CUL2: variants seen among roughly 807,000 people sequenced by gnomAD.
CUL2 encodes the protein cullin 2.
In CUL2, 22 loss-of-function variants were observed where a neutral mutation model predicts 110.2. That is an observed-to-expected ratio of 0.20 (90% CI 0.14 to 0.28). The LOEUF (loss-of-function observed/expected upper bound fraction) is 0.28, where lower values mean the gene tolerates loss of function less well. Among genes scored for constraint, CUL2 ranks in the 10% least tolerant of loss-of-function variants. The pLI is 1.00. For missense variants in CUL2, 631 were observed against 905.5 expected, an observed-to-expected ratio of 0.70 and a Z score of 3.89; for synonymous variants, 279 against 293.2, an observed-to-expected ratio of 0.95 and a Z score of 0.49.
Position 35,125,854 on chromosome 10 carries a change from G to C in CUL2, c.-51+751C>G, listed in dbSNP as rs111994488. ...CATTACTTTTTTTATTTTTGAGATGGAGCCTCGCTCTGTCACCCAGACTGG... is the reference window on the plus strand; with the variant it reads ...CATTACTTTTTTTATTTTTGAGATGCAGCCTCGCTCTGTCACCCAGACTGG... On this transcript the variant is annotated intron_variant, in intron 1 of 5. Coordinates refer to the CUL2 transcript ENST00000685421. Among the ~76,000 whole-genome samples, 462 of 152,144 alleles carry C rather than the reference G, an allele frequency of 3.0e-3. 2 individuals carry two copies. The highest frequency in any genetic ancestry group is 0.01 in the African/African-American group (425 of 41,518).
intron 14 of CUL2, 74 bp from the exon 15 acceptor site, chr10:35,029,714 C>A: frequency 8.9e-7 from 1 of 1,126,492 alleles, no homozygotes; most frequent in South Asian, 1.5e-5. Context: ...AATAATGTGT[C>A]GGTATTGCTA....
intron 1 of CUL2, among the ~76,000 whole-genome samples, chr10:35,124,615 G>A (rs747333860): frequency 2.0e-5 from 3 of 152,118 alleles, no homozygotes; most frequent in Non-Finnish European, 4.4e-5. Context: ...TGTGCAACCC[G>A]GAATTGGCAA....
chr10:35,118,365 C>T (rs2087634012), intron 1 of CUL2: 1 of 152,220 alleles, frequency 6.6e-6, no homozygotes, highest in African/African-American at 2.4e-5. Context: ...CTACCTTCCA[C>T]ATTTCTTAAC....
intron 11 of CUL2, 22 bp downstream of exon 11, chr10:35,033,144 T>C (rs770518813): frequency 1.4e-6 from 2 of 1,441,702 alleles, no homozygotes; most frequent in Non-Finnish European, 2.0e-6. Flanking sequence ...ACATATATAG[T>C]ATATATGTAT....
intron 1 of CUL2, among the ~76,000 whole-genome samples, chr10:35,114,177 C>T (rs550259473): frequency 5.9e-5 from 9 of 152,024 alleles, no homozygotes; most frequent in Non-Finnish European, 2.9e-5. Context: ...CTGCCTCGGC[C>T]TCCCAAAGTG....
Position 35,032,481 on chromosome 10 carries a change from A to G in CUL2, c.1124T>C (p.Val375Ala). Residue 375 changes from valine to alanine, a missense_variant, in exon 12 of 21, where the codon GTT (valine) becomes GCT (alanine). Val to Ala is a moderately conservative substitution (Grantham distance 64). Around this residue, in one of 3 missense-constraint regions of CUL2, gnomAD observed 134 missense variants for 260.4 expected, o/e 0.51. Coordinates refer to ENST00000374749, the MANE Select transcript of CUL2 (RefSeq NM_003591.4). ...AGACTTAGGTTCTCTGTAATTTACA[A>G]CTGACGTAAGGGCCTGAATAAAAAA... ...MSALDKALTSVVNYREPKSVC... is the reference protein window; with the variant it reads ...MSALDKALTSAVNYREPKSVC... 1 of 1,592,272 alleles carries G rather than the reference A, an allele frequency of 6.3e-7. No individual in the cohort carries two copies. Among genetic ancestry groups the G allele is most frequent in the Non-Finnish European group, 8.5e-7 (1 of 1,173,450 alleles).
At chr10:35,017,380 A>G (rs1175829175) in intron 17 of CUL2, among the ~76,000 whole-genome samples, 1 of 151,864 alleles carries the variant, frequency 6.6e-6, no homozygotes, top group African/African-American at 2.4e-5. Context: ...AAAACATTTA[A>G]TCTGAATGTT....
chr10:35,105,880 C>T (rs2087449309), intron 1 of CUL2, among the ~76,000 whole-genome samples: 1 of 146,260 alleles, frequency 6.8e-6, no homozygotes, highest in Admixed American at 6.8e-5. Context: ...GAAAAACACA[C>T]AGCAAATGAC....
Position 35,054,527 on chromosome 10 carries a change from G to A in CUL2, c.330C>T (p.Thr110=). ...YMDCLYRYLN[T]QFIKKNKLTE... Reference sequence around the variant, plus strand: ...TTAATTTATTCTTTTTAATAAACTGGGTGTTGAGATACCTGGAAAATAAAT... The same window carrying A: ...TTAATTTATTCTTTTTAATAAACTGAGTGTTGAGATACCTGGAAAATAAAT... The change falls in exon 5 of 21, where the codon ACC becomes ACT. Residue 110 remains threonine, a synonymous_variant. Coordinates refer to ENST00000374749, the MANE Select transcript of CUL2 (RefSeq NM_003591.4). The A allele has an allele frequency of 6.4e-7, 1 of 1,573,206 alleles. No homozygotes were observed. Among genetic ancestry groups the A allele is most frequent in the Non-Finnish European group, 8.7e-7 (1 of 1,155,090 alleles).
intron 1 of CUL2, among the ~76,000 whole-genome samples, chr10:35,087,389 C>T (rs2087090378): frequency 6.6e-6 from 1 of 152,170 alleles, no homozygotes. Flanking sequence ...AACTTAAGTT[C>T]CATGAAGCCA....
chr10:35,061,741 C>A (rs1401420595), intron 3 of CUL2, among the ~76,000 whole-genome samples: 3 of 150,580 alleles, frequency 2.0e-5, no homozygotes, highest in African/African-American at 4.9e-5. Context: ...GGAAACAGCA[C>A]ACAATCAATT....
chr10:35,078,911 C>A (rs1274652278), intron 1 of CUL2, among the ~76,000 whole-genome samples: 1 of 152,122 alleles, frequency 6.6e-6, no homozygotes, highest in Non-Finnish European at 1.5e-5. Flanking sequence ...AAGTTGACTT[C>A]AGATAGTTAA....
chr10:35,016,042 C>T (rs2085023156), intron 18 of CUL2, 150 bp downstream of exon 18: 2 of 648,966 alleles, frequency 3.1e-6, no homozygotes, highest in African/African-American at 1.8e-5. Flanking sequence ...CCTTAACGCT[C>T]GCAGCTCTAT....
intron 5 of CUL2, among the ~76,000 whole-genome samples, chr10:35,053,447 A>G (rs1164584396): frequency 1.3e-5 from 2 of 152,194 alleles, no homozygotes; most frequent in East Asian, 3.8e-4. Flanking sequence ...GCCTACTTTT[A>G]TAACAAAATC....
chr10:35,069,520 G>C (rs2086626137), intron 2 of CUL2, among the ~76,000 whole-genome samples: 2 of 151,060 alleles, frequency 1.3e-5, no homozygotes, highest in African/African-American at 4.9e-5. Context: ...CAGCCTGGGT[G>C]ACAAAGTGAG....
intron 4 of CUL2, among the ~76,000 whole-genome samples, chr10:35,059,312 C>G (rs558239225): frequency 6.6e-5 from 10 of 152,232 alleles, no homozygotes; most frequent in African/African-American, 2.4e-4. Context: ...ATGCAGCTAA[C>G]TTCATTGTTG....
At chr10:35,085,484 C>T (rs899711304) in intron 1 of CUL2, among the ~76,000 whole-genome samples, 1 of 151,844 alleles carries the variant, frequency 6.6e-6, no homozygotes, top group Non-Finnish European at 1.5e-5. Flanking sequence ...GTGGCTCACA[C>T]CTGTAATCCC....
At chr10:35,101,606 C>G (rs1170882443) in intron 1 of CUL2, among the ~76,000 whole-genome samples, 2 of 152,132 alleles carry the variant, frequency 1.3e-5, no homozygotes, top group Non-Finnish European at 2.9e-5. Flanking sequence ...TGAAGAGTTA[C>G]AAGTGGGATG....
intron 10 of CUL2, among the ~76,000 whole-genome samples, 161 bp downstream of exon 10, chr10:35,035,011 G>T (rs1024459220): frequency 1.3e-5 from 2 of 152,182 alleles, no homozygotes; most frequent in African/African-American, 4.8e-5. Context: ...ATTCCAAAAT[G>T]AGTCCAACAA....
Sources: gnomAD v4.1 joint callset for allele counts (sites outside exome capture counted in the v4.1 genomes callset) on GRCh38, gnomAD v4.1.1 for gene constraint, gnomAD v4.1.1 regional missense constraint, MANE v1.5 for transcripts, NCBI Gene and HGNC (gene_info 2026-07-23, HGNC 2026-07-21) for gene names.